DHX35: variants seen among roughly 807,000 people sequenced by gnomAD.
DHX35 encodes the protein probable ATP-dependent RNA helicase DHX35.
A neutral mutation model predicts 99.6 loss-of-function variants in DHX35; 84 were observed. That is an observed-to-expected ratio of 0.84 (90% CI 0.71 to 1.01). DHX35 has a LOEUF of 1.01. Ranked by LOEUF, DHX35 falls within the 50% of genes least tolerant of loss-of-function variation. The pLI is 0.00. For synonymous variants in DHX35, 331 were observed against 316.2 expected, an observed-to-expected ratio of 1.05 and a Z score of -0.50; for missense variants, 852 against 888.5, an observed-to-expected ratio of 0.96 and a Z score of 0.52.
At chr20:38,972,779 A>G (rs572859262) in intron 3 of DHX35, 128 bp downstream of exon 3, 4 of 628,400 alleles carry the variant, frequency 6.4e-6, no homozygotes, top group Admixed American at 3.3e-5. Context: ...CTTCAACTAG[A>G]TATTTTTTAT....
chr20:38,966,516 A>C (rs1018613796), intron 1 of DHX35, among the ~76,000 whole-genome samples: 2 of 152,230 alleles, frequency 1.3e-5, no homozygotes, highest in African/African-American at 4.8e-5. Flanking sequence ...CTAAAAATAC[A>C]AAATGAGCTG....
rs563618830 is a variant in DHX35 at position 38,970,908 on chromosome 20, G to C, written c.175-1651G>C. 9.2e-5 allele frequency among the ~76,000 whole-genome samples: 14 copies of C among 151,706 alleles called. No homozygotes were observed. The South Asian group carries it at 2.5e-3, about 27-fold the overall frequency. On this transcript the variant is annotated intron_variant, in intron 2 of 21. Coordinates refer to ENST00000252011, the MANE Select transcript of DHX35 (RefSeq NM_021931.4). ...ATGAAATTAAAATGGTAAGAAGAAG[G>C]GTGTAAGTTACTGATATAAAGCAAA...
chr20:38,995,524 C>CA (rs901064627), intron 8 of DHX35, among the ~76,000 whole-genome samples: 165 of 130,056 alleles, frequency 1.3e-3, no homozygotes, highest in East Asian at 3.5e-3. Context: ...AACTTCATCT[C>CA]AAAAAAAAAA....
intron 1 of DHX35, 129 bp downstream of exon 1, chr20:38,962,536 T>G: frequency 8.3e-7 from 1 of 1,202,344 alleles, no homozygotes; most frequent in Non-Finnish European, 1.2e-6. Context: ...CTGCCGCCTC[T>G]GTGCGGGGGG....
Position 38,977,621 on chromosome 20 carries a change from C to G in DHX35, c.267+4970C>G, listed in dbSNP as rs2086101806. 1.2e-5 allele frequency: 4 copies of G among 333,952 alleles called. No individual in the cohort carries two copies. In the Admixed American group the frequency reaches 1.9e-4, roughly 16 times the overall value. 20.7% of individuals were successfully genotyped at this position (333,952 alleles called of 1,614,324 possible). The stretch of plus-strand genomic sequence containing the variant: ...AAACAGGCATTTTGGACAACGCAGT[C>G]TTGGCAATGGAACCTGGACAACATT... On this transcript the variant is annotated intron_variant, in intron 3 of 21. Transcript: ENST00000252011.
intron 1 of DHX35, 57 bp downstream of exon 1, chr20:38,962,464 C>T: frequency 6.3e-7 from 1 of 1,585,154 alleles, no homozygotes; most frequent in Non-Finnish European, 8.6e-7. Context: ...GGTCTTGGCG[C>T]CGCGGCCGGC....
At chr20:39,002,688 G>A (rs766260420) in intron 9 of DHX35, 84 bp from the exon 10 acceptor site, 48 of 1,254,850 alleles carry the variant, frequency 3.8e-5, no homozygotes, top group Non-Finnish European at 4.9e-5. Flanking sequence ...ACTTTGATGA[G>A]CTTTGCTGCC....
intron 3 of DHX35, among the ~76,000 whole-genome samples, chr20:38,975,708 G>A (rs750421193): frequency 6.6e-6 from 1 of 152,204 alleles, no homozygotes; most frequent in African/African-American, 2.4e-5. Flanking sequence ...CTCATACTGT[G>A]TGGTTATCTT....
intron 16 of DHX35, 114 bp downstream of exon 16, chr20:39,022,049 T>A: frequency 4.0e-6 from 4 of 1,012,658 alleles, no homozygotes; most frequent in Non-Finnish European, 4.5e-6. Flanking sequence ...TGTGATCTGC[T>A]CATGTTTTGA....
chr20:39,010,638 A>C (rs1004315972), intron 13 of DHX35, among the ~76,000 whole-genome samples: 1 of 152,188 alleles, frequency 6.6e-6, no homozygotes, highest in Non-Finnish European at 1.5e-5. Flanking sequence ...GAATAGAGAC[A>C]AGTAAGTGGG....
intron 4 of DHX35, among the ~76,000 whole-genome samples, chr20:38,987,128 C>G (rs6124101): frequency 2.6e-5 from 4 of 152,216 alleles, no homozygotes; most frequent in Non-Finnish European, 5.9e-5. Flanking sequence ...GACTGAACTC[C>G]TTCCTTCTGT....
chr20:39,001,932 A>G (rs999573212), intron 9 of DHX35, 90 bp downstream of exon 9: 4 of 995,992 alleles, frequency 4.0e-6, no homozygotes, highest in South Asian at 1.4e-5. Context: ...CACAACTCTA[A>G]AGGATGGGGA....
At chr20:39,020,328 T>G (rs2079984441) in intron 15 of DHX35, among the ~76,000 whole-genome samples, 1 of 152,226 alleles carries the variant, frequency 6.6e-6, no homozygotes, top group African/African-American at 2.4e-5. Context: ...GCCCTACTAT[T>G]TTCCATTAAT....
rs113222771 is a variant in DHX35 at position 39,018,940 on chromosome 20, T to G, written c.1498+41T>G. 8.8e-6 allele frequency: 14 copies of G among 1,599,730 alleles called. No homozygotes were observed. The African/African-American group carries it at 1.6e-4, about 18-fold the overall frequency. ...TAGCTTGAATTGATTTTATTTTGAC[T>G]GTCAGAGGTGTTGTTTGCCTGAATT... On this transcript the variant is annotated intron_variant, in intron 15 of 21. Coordinates refer to ENST00000252011, the MANE Select transcript of DHX35 (RefSeq NM_021931.4).
At chr20:39,017,195 T>C (rs2086800134) in intron 14 of DHX35, among the ~76,000 whole-genome samples, 1 of 152,184 alleles carries the variant, frequency 6.6e-6, no homozygotes, top group Non-Finnish European at 1.5e-5. Context: ...TAAGTTACTT[T>C]TTTGGTATGG....
intron 19 of DHX35, 82 bp from the exon 20 acceptor site, chr20:39,030,622 G>T: frequency 2.3e-6 from 3 of 1,298,946 alleles, no homozygotes; most frequent in African/African-American, 1.5e-5. Context: ...ATGCTTTTTT[G>T]GTAATATTAA....
At chr20:38,995,728 G>C (rs540550422) in intron 8 of DHX35, among the ~76,000 whole-genome samples, 59 of 152,336 alleles carry the variant, frequency 3.9e-4, no homozygotes, top group African/African-American at 1.3e-3. Context: ...AGGCAGCTAA[G>C]GAGGGAGCCC....
chr20:39,012,117 A>G (rs888918871), intron 13 of DHX35, among the ~76,000 whole-genome samples: 4 of 152,140 alleles, frequency 2.6e-5, no homozygotes, highest in African/African-American at 7.2e-5. Context: ...GCATGGTGGC[A>G]TGCGCCTGTA....
At chr20:39,014,379 CAT>C (rs1457853004) in intron 13 of DHX35, among the ~76,000 whole-genome samples, 1 of 152,166 alleles carries the variant, frequency 6.6e-6, no homozygotes, top group Non-Finnish European at 1.5e-5. Context: ...TCAGATTCGA[CAT>C]ATGTTGTAGT....
Sources: allele counts gnomAD v4.1 joint callset (sites outside exome capture counted in the v4.1 genomes callset), GRCh38; gene constraint gnomAD v4.1.1; transcripts MANE v1.5; gene names NCBI Gene and HGNC (gene_info 2026-07-23, HGNC 2026-07-21).